The following CELF4 variants were observed in gnomAD, a reference collection of about 807,000 sequenced individuals.
CELF4 encodes the protein CUGBP Elav-like family member 4.
CELF4 carries 18 observed loss-of-function variants against 59.9 expected under a neutral mutation model. That is an observed-to-expected ratio of 0.30 (90% CI 0.21 to 0.45). The LOEUF is 0.45. Ranked by LOEUF, CELF4 falls within the 20% of genes least tolerant of loss-of-function variation. The pLI is 1.00. For missense variants in CELF4, 456 were observed against 689.0 expected, an observed-to-expected ratio of 0.66 and a Z score of 3.79; for synonymous variants, 261 against 267.1, an observed-to-expected ratio of 0.98 and a Z score of 0.22.
At chr18:37,506,746 A>G (rs1173015594) in intron 1 of CELF4, among the ~76,000 whole-genome samples, 1 of 152,212 alleles carries the variant, frequency 6.6e-6, no homozygotes, top group Non-Finnish European at 1.5e-5. Context: ...CAGCAGCGCC[A>G]TTAAACGCAA....
At chr18:37,265,003 A>C (rs891811885) in intron 9 of CELF4, among the ~76,000 whole-genome samples, 12 of 150,002 alleles carry the variant, frequency 8.0e-5, no homozygotes, top group African/African-American at 3.0e-4. Context: ...ACATGCATAC[A>C]TGCATGTACG....
chr18:37,538,381 A>C (rs1192224848), intron 1 of CELF4, among the ~76,000 whole-genome samples: 1 of 152,126 alleles, frequency 6.6e-6, no homozygotes, highest in Non-Finnish European at 1.5e-5. Flanking sequence ...TCCATTACAA[A>C]TGCCAGTTCC....
At chr18:37,376,791 G>A (rs940994677) in intron 2 of CELF4, among the ~76,000 whole-genome samples, 7 of 152,240 alleles carry the variant, frequency 4.6e-5, no homozygotes, top group African/African-American at 1.2e-4. Context: ...CCTGGCAAGG[G>A]TTGGGATCGT....
chr18:37,460,080 T>C (rs1411103466), intron 2 of CELF4, among the ~76,000 whole-genome samples: 1 of 152,186 alleles, frequency 6.6e-6, no homozygotes, highest in African/African-American at 2.4e-5. Context: ...GTCGAAGGAA[T>C]AGACCCAATA....
intron 2 of CELF4, among the ~76,000 whole-genome samples, chr18:37,348,673 A>G (rs2098357590): frequency 6.6e-6 from 1 of 152,054 alleles, no homozygotes; most frequent in African/African-American, 2.4e-5. Flanking sequence ...TGCGGTTTCT[A>G]TCCTCCAAAA....
intron 6 of CELF4, chr18:37,273,957 C>T: frequency 9.0e-7 from 1 of 1,112,856 alleles, no homozygotes; most frequent in Non-Finnish European, 1.1e-6. Flanking sequence ...GGGTGGTTTG[C>T]AACCAATGAC....
chr18:37,295,934 T>A (rs78738892), intron 3 of CELF4, among the ~76,000 whole-genome samples: 1,816 of 152,266 alleles, frequency 0.012, 40 homozygotes, highest in African/African-American at 0.042. Flanking sequence ...CTTGCAGATG[T>A]GGTAGTGTGA....
chr18:37,534,208 G>A (rs2099971694), intron 1 of CELF4, among the ~76,000 whole-genome samples: 1 of 152,096 alleles, frequency 6.6e-6, no homozygotes, highest in Non-Finnish European at 1.5e-5. Context: ...GTTGTGACTT[G>A]GTGCTAATGG....
At chr18:37,453,533 T>TC (rs2099769863) in intron 2 of CELF4, among the ~76,000 whole-genome samples, 1 of 152,096 alleles carries the variant, frequency 6.6e-6, no homozygotes, top group Non-Finnish European at 1.5e-5. Context: ...GGCTATGGGA[T>TC]TTAAGAGAAA....
At chr18:37,302,441 A>G (rs192953413) in intron 3 of CELF4, among the ~76,000 whole-genome samples, 1 of 152,222 alleles carries the variant, frequency 6.6e-6, no homozygotes, top group African/African-American at 2.4e-5. Flanking sequence ...CGCCCCCAAC[A>G]TCAGCCAGCA....
At chr18:37,329,330 G>T (rs1337376669) in intron 2 of CELF4, among the ~76,000 whole-genome samples, 1 of 152,206 alleles carries the variant, frequency 6.6e-6, no homozygotes, top group Admixed American at 6.5e-5. Context: ...GACTGCCGGG[G>T]TCCCTTCTCA....
intron 1 of CELF4, among the ~76,000 whole-genome samples, chr18:37,540,547 C>T (rs1174436345): frequency 6.6e-6 from 1 of 152,106 alleles, no homozygotes; most frequent in East Asian, 1.9e-4. Flanking sequence ...CACAAGGACA[C>T]AGATCGTGGG....
intron 2 of CELF4, among the ~76,000 whole-genome samples, chr18:37,338,842 C>G (rs1170394318): frequency 2.0e-5 from 3 of 151,354 alleles, no homozygotes; most frequent in Non-Finnish European, 4.4e-5. Context: ...CAGAACAAGC[C>G]ACATGGGCAA....
At chr18:37,393,930 A>G (rs2099202570) in intron 2 of CELF4, among the ~76,000 whole-genome samples, 1 of 147,890 alleles carries the variant, frequency 6.8e-6, no homozygotes, top group Admixed American at 6.7e-5. Flanking sequence ...AAAAAAAGGC[A>G]AAAACACCCC....
At position 37,245,463 on chromosome 18, in the gene CELF4, G is replaced by T. The variant is rs914010967; in HGVS notation, c.*45-266C>A. ...TTGTTGGGAGAAGGTTCTTGATTTG[G>T]GTTACTTTAGCATTCTGGATTGGGG... On this transcript the variant is annotated intron_variant, in intron 12 of 12. Coordinates refer to ENST00000420428, the MANE Select transcript of CELF4 (RefSeq NM_020180.4). This position sits in a 1 kb window ranked among gnomAD's most constrained non-coding sequence, Gnocchi z 4.1. Among the ~76,000 whole-genome samples, 1 of 152,078 alleles carries T rather than the reference G, an allele frequency of 6.6e-6. No individual in the cohort carries two copies.
At position 37,254,102 on chromosome 18, in the gene CELF4, G is replaced by A; in HGVS notation, c.1334-164C>T. On this transcript the variant is annotated intron_variant, in intron 11 of 12. Transcript: ENST00000420428. The surrounding 1 kb of genome is among the most constrained non-coding windows in gnomAD (Gnocchi z 5.1). ...GTGCCCGCCCCTCTCCAGCCCGCGC[G>A]CGCGTGCTAGGCCCCTCCGGGGGCA... 1 of 335,780 alleles carries A rather than the reference G, an allele frequency of 3.0e-6. No homozygotes were observed. The highest frequency in any genetic ancestry group is 4.8e-6 in the Non-Finnish European group (1 of 208,094). The allele number at this position is 335,780 out of a possible 1,614,324, so 20.8% of individuals were successfully genotyped here. A position where few individuals can be genotyped will look rare whatever the true frequency, so the allele number is the denominator to read the frequency against.
intron 9 of CELF4, chr18:37,266,290 A>G: frequency 1.7e-6 from 1 of 592,944 alleles, no homozygotes. Context: ...AGCAAGGGTG[A>G]AACTTCCACC....
intron 2 of CELF4, among the ~76,000 whole-genome samples, chr18:37,410,093 T>A (rs1254205506): frequency 2.0e-5 from 3 of 152,046 alleles, no homozygotes; most frequent in East Asian, 3.9e-4. Context: ...CCACTCCCCG[T>A]GCCGATGTGT....
At chr18:37,306,604 A>G (rs969789095) in intron 3 of CELF4, among the ~76,000 whole-genome samples, 12 of 152,196 alleles carry the variant, frequency 7.9e-5, no homozygotes, top group Non-Finnish European at 1.8e-4. Context: ...GGCCTAGCCC[A>G]GTCAAGAGGT....
Sources: allele counts gnomAD v4.1 joint callset (sites outside exome capture counted in the v4.1 genomes callset), GRCh38; gene constraint gnomAD v4.1.1; non-coding constraint Gnocchi (gnomAD v3.1); transcripts MANE v1.5; gene names NCBI Gene and HGNC (gene_info 2026-07-23, HGNC 2026-07-21).